Variants in FSD1L observed in about 807,000 individuals in gnomAD.
The protein encoded by FSD1L is fibronectin type III and SPRY domain containing 1 like, also known as FSD1-like protein.
In FSD1L, 45 loss-of-function variants were observed where a neutral mutation model predicts 71.6. That is an observed-to-expected ratio of 0.63 (90% CI 0.49 to 0.81). FSD1L has a LOEUF of 0.81. Among genes scored for constraint, FSD1L ranks in the 30% least tolerant of loss-of-function variants. The pLI is 0.00. For missense variants in FSD1L, 561 were observed against 618.1 expected, an observed-to-expected ratio of 0.91 and a Z score of 0.98; for synonymous variants, 197 against 207.2, an observed-to-expected ratio of 0.95 and a Z score of 0.42.
intron 1 of FSD1L, among the ~76,000 whole-genome samples, chr9:105,458,254 C>G (rs1425201121): frequency 6.6e-6 from 1 of 152,176 alleles, no homozygotes; most frequent in East Asian, 1.9e-4. Context: ...AGTGTTGCTA[C>G]TCTTCACTCC....
intron 5 of FSD1L, among the ~76,000 whole-genome samples, chr9:105,478,200 G>A (rs942293975): frequency 1.3e-5 from 2 of 152,130 alleles, no homozygotes; most frequent in Non-Finnish European, 2.9e-5. Context: ...AGCCAAGATC[G>A]TGCCACTGCA....
chr9:105,506,323 A>G, intron 7 of FSD1L, 76 bp from the exon 8 acceptor site: 1 of 1,103,166 alleles, frequency 9.1e-7, no homozygotes, highest in Non-Finnish European at 1.3e-6. Context: ...GAATGATATA[A>G]ATGTGATATC....
intron 10 of FSD1L, among the ~76,000 whole-genome samples, chr9:105,531,217 G>T (rs931850871): frequency 7.2e-5 from 11 of 152,182 alleles, no homozygotes; most frequent in African/African-American, 2.7e-4. Flanking sequence ...GTAGTTTATG[G>T]TAAGTCCTGG....
At position 105,551,615 on chromosome 9, in the gene FSD1L, AT is replaced by A. The variant is rs1837265857; in HGVS notation, c.*5135del. ...TGTGCTTAAAGTGGTATCACCAGTG[AT>A]TTCTAACATGATTTTAAAAAAATAA... is the stretch of plus-strand genomic sequence containing the variant. On this transcript the variant is annotated 3_prime_UTR_variant, in exon 14 of 14. Transcript: ENST00000481272. 6.6e-6 allele frequency: 1 copy of A among 152,290 alleles called. No individual in the cohort carries two copies. The highest frequency in any genetic ancestry group is 6.5e-5 in the Admixed American group (1 of 15,296). 9.4% of individuals were successfully genotyped at this position (152,290 alleles called of 1,614,324 possible).
chr9:105,534,829 G>C (rs1259421588), intron 11 of FSD1L, among the ~76,000 whole-genome samples: 1 of 152,144 alleles, frequency 6.6e-6, no homozygotes, highest in African/African-American at 2.4e-5. Context: ...TAAGCCGGGA[G>C]GGGGGATAGT....
At chr9:105,524,793 G>A in intron 10 of FSD1L, 1 of 1,593,854 alleles carries the variant, frequency 6.3e-7, no homozygotes, top group Non-Finnish European at 8.6e-7. Context: ...TACACATCTG[G>A]TAAATCACCT....
chr9:105,443,344 A>T (rs116697704), upstream of FSD1L, among the ~76,000 whole-genome samples: 1,790 of 122,760 alleles, frequency 0.015, 33 homozygotes, highest in African/African-American at 0.073. Context: ...ATCTGCAGGG[A>T]AACTCATTTT....
At chr9:105,512,160 G>A (rs1007596993) in intron 9 of FSD1L, among the ~76,000 whole-genome samples, 1 of 151,940 alleles carries the variant, frequency 6.6e-6, no homozygotes, top group Non-Finnish European at 1.5e-5. Flanking sequence ...GAAAAGTATA[G>A]TTAATTCCTC....
At chr9:105,523,739 T>C (rs1835329779) in intron 10 of FSD1L, 1 of 1,596,244 alleles carries the variant, frequency 6.3e-7, no homozygotes, top group Non-Finnish European at 8.6e-7. Flanking sequence ...GACAAGATGT[T>C]TCTCCAAATA....
At chr9:105,525,241 A>G in intron 10 of FSD1L, 1 of 1,603,754 alleles carries the variant, frequency 6.2e-7, no homozygotes, top group Non-Finnish European at 8.5e-7. Flanking sequence ...TAAAAGATTT[A>G]GAGAAACTGT....
At chr9:105,524,182 A>G in intron 10 of FSD1L, 1 of 1,612,228 alleles carries the variant, frequency 6.2e-7, no homozygotes, top group East Asian at 2.2e-5. Flanking sequence ...CATGAGTCTC[A>G]TCATCCTCAA....
intron 11 of FSD1L, 134 bp from the exon 12 acceptor site, chr9:105,534,933 G>C: frequency 1.2e-6 from 1 of 801,594 alleles, no homozygotes; most frequent in Non-Finnish European, 2.0e-6. Flanking sequence ...ATGTCTGTGT[G>C]TTAACATGAT....
upstream of FSD1L, among the ~76,000 whole-genome samples, chr9:105,447,174 A>G (rs1377436948): frequency 4.6e-5 from 7 of 151,774 alleles, no homozygotes; most frequent in Non-Finnish European, 1.0e-4. Flanking sequence ...AAGTACAAAA[A>G]ATTAGCCAGG....
In FSD1L at chr9:105,479,390, C is replaced by T. The variant is rs969632591; in HGVS notation, c.464+14C>T. ...GATCAAGGATAGGTATGGTATAAAACACATTTTTACTTAAGTATAAATATT... is the reference window on the plus strand; with the variant it reads ...GATCAAGGATAGGTATGGTATAAAATACATTTTTACTTAAGTATAAATATT... On this transcript the variant is annotated intron_variant, in intron 6 of 13. Coordinates refer to ENST00000481272, the MANE Select transcript of FSD1L (RefSeq NM_001145313.3). The T allele has an allele frequency of 1.3e-6, 2 of 1,537,624 alleles. No homozygotes were observed. Among genetic ancestry groups the T allele is most frequent in the Non-Finnish European group, 1.8e-6 (2 of 1,136,992 alleles).
chr9:105,456,644 G>A (rs555041716), intron 1 of FSD1L, among the ~76,000 whole-genome samples: 6 of 152,174 alleles, frequency 3.9e-5, no homozygotes, highest in Non-Finnish European at 8.8e-5. Context: ...AGTTGCCTTA[G>A]TCTAAATCCA....
intron 7 of FSD1L, among the ~76,000 whole-genome samples, chr9:105,491,863 T>C (rs1311409042): frequency 2.0e-5 from 3 of 152,188 alleles, no homozygotes; most frequent in Non-Finnish European, 2.9e-5. Flanking sequence ...TTGATCATGG[T>C]GGATAAGCTT....
chr9:105,505,245 G>A (rs773604450), intron 7 of FSD1L, among the ~76,000 whole-genome samples: 4 of 152,036 alleles, frequency 2.6e-5, no homozygotes, highest in African/African-American at 7.2e-5. Context: ...TTTATTCTTT[G>A]TTGTTTTTTT....
intron 1 of FSD1L, among the ~76,000 whole-genome samples, chr9:105,460,425 A>G: frequency 6.6e-6 from 1 of 151,858 alleles, no homozygotes. Flanking sequence ...CCCCATCTCT[A>G]CCAAAAAATA....
intron 7 of FSD1L, among the ~76,000 whole-genome samples, chr9:105,491,945 T>C (rs1832971134): frequency 6.6e-6 from 1 of 152,164 alleles, no homozygotes; most frequent in South Asian, 2.1e-4. Flanking sequence ...ATCAAGGATA[T>C]TGGTCTAAAA....
Sources: gnomAD v4.1 joint callset for allele counts (sites outside exome capture counted in the v4.1 genomes callset) on GRCh38, gnomAD v4.1.1 for gene constraint, MANE v1.5 for transcripts, NCBI Gene and HGNC (gene_info 2026-07-23, HGNC 2026-07-21) for gene names.